Variants in MGAT4C observed in about 807,000 individuals in gnomAD.
MGAT4C encodes the protein MGAT4 family member C, also known as alpha-1,3-mannosyl-glycoprotein 4-beta-N-acetylglucosaminyltransferase C.
Under a neutral mutation model 40.1 loss-of-function variants are expected in MGAT4C, and 19 were observed. The ratio of observed to expected loss-of-function variants is 0.47; its 90% confidence interval spans 0.33 to 0.70. The LOEUF (loss-of-function observed/expected upper bound fraction) is 0.70. MGAT4C is among the 30% of genes least tolerant of loss of function. MGAT4C has a pLI of 0.02. For synonymous variants in MGAT4C, 181 were observed against 187.1 expected (o/e 0.97, Z 0.27); for missense variants, 491 against 563.2 (o/e 0.87, Z 1.30).
intron 1 of MGAT4C, among the ~76,000 whole-genome samples, chr12:86,106,443 C>T (rs1262804566): frequency 1.3e-5 from 2 of 151,980 alleles, no homozygotes; most frequent in Non-Finnish European, 2.9e-5. Context: ...TGAGACTGCA[C>T]GTTCCCGCCA....
At chr12:86,635,893 G>T (rs901622235) in intron 2 of MGAT4C, among the ~76,000 whole-genome samples, 1 of 151,444 alleles carries the variant, frequency 6.6e-6, no homozygotes, top group Admixed American at 6.6e-5. Flanking sequence ...TCTTTCCAAG[G>T]CTGGTCTTGA....
Position 86,151,583 on chromosome 12 carries a change from G to A in MGAT4C, c.-56-101860C>T, listed in dbSNP as rs1433979609. On this transcript the variant is annotated intron_variant, in intron 1 of 4. Coordinates refer to ENST00000611864, the MANE Select transcript of MGAT4C (RefSeq NM_001351288.2). ...TGCACTCCAGCCTGGGCAACAGAGC[G>A]AGACTCTGTCTCAAAAAGAAAAAAA... is the stretch of plus-strand genomic sequence containing the variant. Among the ~76,000 whole-genome samples the A allele has an allele frequency of 6.0e-5, 9 of 150,938 alleles. No homozygotes were observed. In the East Asian group the frequency reaches 1.4e-3, roughly 23 times the overall value.
At position 86,493,111 on chromosome 12, in the gene MGAT4C, A is replaced by C. The variant is rs1038970803; in HGVS notation, c.-228-57846T>G. Among the ~76,000 whole-genome samples, 49 of 150,734 alleles carry C rather than the reference A, an allele frequency of 3.3e-4. 1 individual carries two copies. The highest frequency in any genetic ancestry group is 1.4e-3 in the East Asian group (7 of 5,160). On this transcript the variant is annotated intron_variant, in intron 2 of 7. Transcript: ENST00000548651. ...ACCACAATGAGATACCATCTCACACAAGTTAGAATGGCGATCATTAAAAAG... is the reference window on the plus strand; with the variant it reads ...ACCACAATGAGATACCATCTCACACCAGTTAGAATGGCGATCATTAAAAAG...
intron 2 of MGAT4C, among the ~76,000 whole-genome samples, chr12:86,604,016 T>A (rs529150670): frequency 1.3e-5 from 2 of 151,654 alleles, no homozygotes; most frequent in Non-Finnish European, 2.9e-5. Flanking sequence ...ACATATATAA[T>A]TTTTTGTCAA....
At chr12:86,075,150 T>C (rs991165190) in intron 1 of MGAT4C, among the ~76,000 whole-genome samples, 7 of 152,160 alleles carry the variant, frequency 4.6e-5, no homozygotes, top group Non-Finnish European at 8.8e-5. Context: ...AAAAGCGAGC[T>C]TGTTACCTCC....
At chr12:86,064,129 A>C (rs1431698042) in intron 1 of MGAT4C, among the ~76,000 whole-genome samples, 1 of 152,210 alleles carries the variant, frequency 6.6e-6, no homozygotes, top group East Asian at 1.9e-4. Flanking sequence ...ACTTATCCTA[A>C]AATTGACCAC....
chr12:86,399,462 T>C (rs144116520), intron 3 of MGAT4C, among the ~76,000 whole-genome samples: 1,832 of 151,532 alleles, frequency 0.012, 22 homozygotes, highest in South Asian at 0.031. Flanking sequence ...TTTGTATTTT[T>C]AGTAGAAACG....
chr12:86,763,490 C>T (rs1473399559), intron 1 of MGAT4C, among the ~76,000 whole-genome samples: 2 of 152,080 alleles, frequency 1.3e-5, no homozygotes, highest in Non-Finnish European at 2.9e-5. Context: ...ATATTATGTA[C>T]TCAATTTATA....
chr12:86,147,335 G>A (rs564673800), intron 1 of MGAT4C, among the ~76,000 whole-genome samples: 13 of 151,912 alleles, frequency 8.6e-5, no homozygotes, highest in Non-Finnish European at 1.5e-4. Flanking sequence ...TCCACCTCCC[G>A]GGTTCACGTC....
intron 4 of MGAT4C, among the ~76,000 whole-genome samples, chr12:86,262,757 T>C (rs1040198093): frequency 6.6e-6 from 1 of 152,056 alleles, no homozygotes; most frequent in African/African-American, 2.4e-5. Flanking sequence ...AAACATCACT[T>C]GTATTTGATA....
intron 1 of MGAT4C, among the ~76,000 whole-genome samples, chr12:86,813,663 C>G (rs1182136868): frequency 2.0e-5 from 3 of 151,816 alleles, no homozygotes; most frequent in African/African-American, 7.3e-5. Context: ...GAAAAATTGC[C>G]TTAGGTTTTA....
At chr12:86,798,236 C>G (rs1373015826) in intron 1 of MGAT4C, among the ~76,000 whole-genome samples, 2 of 151,912 alleles carry the variant, frequency 1.3e-5, no homozygotes, top group Non-Finnish European at 2.9e-5. Flanking sequence ...TTACATTCAC[C>G]ATAATTTACT....
chr12:86,742,898 A>G (rs542478703), intron 1 of MGAT4C, among the ~76,000 whole-genome samples: 13 of 151,854 alleles, frequency 8.6e-5, no homozygotes, highest in South Asian at 2.1e-4. Flanking sequence ...TAAAGCTATT[A>G]CACTGTACAT....
chr12:86,341,886 G>A (rs1321465875), intron 3 of MGAT4C, among the ~76,000 whole-genome samples: 2 of 152,142 alleles, frequency 1.3e-5, no homozygotes, highest in African/African-American at 4.8e-5. Context: ...AGAGGAGAAG[G>A]TAGGTCGCCA....
chr12:86,755,706 A>C (rs536059877), intron 1 of MGAT4C, among the ~76,000 whole-genome samples: 1 of 149,566 alleles, frequency 6.7e-6, no homozygotes, highest in Admixed American at 6.7e-5. Flanking sequence ...GGAGTGCAAT[A>C]GTGCCATCAC....
chr12:86,490,090 T>A (rs1958103838), intron 2 of MGAT4C, among the ~76,000 whole-genome samples: 2 of 151,932 alleles, frequency 1.3e-5, no homozygotes, highest in Non-Finnish European at 2.9e-5. Context: ...AAGATACTCC[T>A]CGAGAAGAGC....
chr12:86,304,142 T>C (rs1206863807), intron 4 of MGAT4C, among the ~76,000 whole-genome samples: 1 of 150,752 alleles, frequency 6.6e-6, no homozygotes, highest in Non-Finnish European at 1.5e-5. Context: ...TTTCTAGAAC[T>C]ATAATTAATA....
At chr12:86,089,154 G>A (rs1872436695) in intron 1 of MGAT4C, among the ~76,000 whole-genome samples, 1 of 151,900 alleles carries the variant, frequency 6.6e-6, no homozygotes, top group South Asian at 2.1e-4. Flanking sequence ...TCAATGCAAA[G>A]TTATCAAACA....
At chr12:86,379,593 T>C (rs953412882) in intron 3 of MGAT4C, among the ~76,000 whole-genome samples, 3 of 152,068 alleles carry the variant, frequency 2.0e-5, no homozygotes, top group Admixed American at 6.6e-5. Flanking sequence ...GCACACAGCA[T>C]TAGATAAATA....
Sources: allele counts gnomAD v4.1 joint callset (sites outside exome capture counted in the v4.1 genomes callset), GRCh38; gene constraint gnomAD v4.1.1; transcripts MANE v1.5; gene names NCBI Gene and HGNC (gene_info 2026-07-23, HGNC 2026-07-21).